Variants in EDEM1 observed in about 807,000 individuals in gnomAD.
EDEM1 encodes ER degradation enhancing alpha-mannosidase like protein 1, also known as ER degradation-enhancing alpha-mannosidase-like protein 1.
EDEM1 carries 67 observed loss-of-function variants against 74.4 expected under a neutral mutation model. That is an observed-to-expected ratio of 0.90 (90% confidence interval 0.74 to 1.10). EDEM1 has a LOEUF of 1.10. Ranked by LOEUF, EDEM1 falls within the 50% of genes least tolerant of loss-of-function variation. The pLI is 0.00. For synonymous variants in EDEM1, 382 were observed against 335.9 expected (o/e 1.14, Z -1.50); for missense variants, 926 against 851.6 (o/e 1.09, Z -1.09).
chr3:5,205,364 T>A (rs2055084544), intron 6 of EDEM1, 123 bp downstream of exon 6: 2 of 972,102 alleles, frequency 2.1e-6, no homozygotes, highest in African/African-American at 3.3e-5. Context: ...CCTTACCACC[T>A]CTCCTAGTTT....
At chr3:5,193,940 A>G (rs984186374) in intron 1 of EDEM1, among the ~76,000 whole-genome samples, 2 of 152,222 alleles carry the variant, frequency 1.3e-5, no homozygotes, top group African/African-American at 4.8e-5. Context: ...TAGATGGTGT[A>G]ACAGCATAAA....
chr3:5,198,990 C>T (rs990871830), intron 2 of EDEM1, among the ~76,000 whole-genome samples: 1 of 152,124 alleles, frequency 6.6e-6, no homozygotes, highest in African/African-American at 2.4e-5. Context: ...TTCTAGATCA[C>T]TTTTTAAAAA....
intron 1 of EDEM1, among the ~76,000 whole-genome samples, chr3:5,191,421 TG>T (rs1462747447): frequency 6.6e-6 from 1 of 151,482 alleles, no homozygotes; most frequent in Admixed American, 6.6e-5. Flanking sequence ...TCTGTAGAAG[TG>T]GGGTCTTACT....
Position 5,208,227 on chromosome 3 carries a change from A to C in EDEM1, c.1473A>C (p.Arg491Ser). The C allele has an allele frequency of 1.2e-6, 2 of 1,612,548 alleles. No individual in the cohort carries two copies. The highest frequency in any genetic ancestry group is 1.7e-6 in the Non-Finnish European group (2 of 1,179,722). ...QAPDVLFYPL[R>S]PELVESTYLL... ...CTGACGTTCTCTTCTACCCACTGAGACCAGAGTTAGTGGAATCCACATATC... is the reference window on the plus strand; with the variant it reads ...CTGACGTTCTCTTCTACCCACTGAGCCCAGAGTTAGTGGAATCCACATATC... The change falls in exon 8 of 12, where the codon AGA becomes AGC. Residue 491 changes from arginine (R) to serine (S), a missense_variant. Physicochemically the swap from Arg to Ser is moderately radical, Grantham distance 110 (BLOSUM62 -1). Coordinates refer to ENST00000256497, the MANE Select transcript of EDEM1 (RefSeq NM_014674.3).
At chr3:5,196,026 C>T (rs561685357) in intron 2 of EDEM1, among the ~76,000 whole-genome samples, 2 of 152,354 alleles carry the variant, frequency 1.3e-5, no homozygotes, top group East Asian at 3.9e-4. Flanking sequence ...ATTTTTACAA[C>T]CTCTTTGCTT....
At chr3:5,212,912 C>T (rs988834876) in intron 10 of EDEM1, among the ~76,000 whole-genome samples, 2 of 152,190 alleles carry the variant, frequency 1.3e-5, no homozygotes, top group Non-Finnish European at 1.5e-5. Flanking sequence ...CTTGGTCCCT[C>T]CCTGTCAGCA....
chr3:5,195,972 G>A (rs894957066), intron 2 of EDEM1, among the ~76,000 whole-genome samples: 2 of 152,236 alleles, frequency 1.3e-5, no homozygotes, highest in African/African-American at 4.8e-5. Context: ...CCAGGGGACT[G>A]TATTCCAGCA....
At position 5,218,469 on chromosome 3, in the gene EDEM1, G is replaced by C. The variant is rs1247529896; in HGVS notation, c.*2551G>C. The C allele has an allele frequency of 6.6e-6, 1 of 152,052 alleles. No homozygotes were observed. Among genetic ancestry groups the C allele is most frequent in the Non-Finnish European group, 1.5e-5 (1 of 68,044 alleles). The allele number at this position is 152,052 out of a possible 1,614,324, so 9.4% of individuals were successfully genotyped here. A position where few individuals can be genotyped will look rare whatever the true frequency, so the allele number is the denominator to read the frequency against. ...TACTGGGTAGAGAATGGCTGAGGAG[G>C]AGATTACCAGAGAAGTTGCTTTGCT... On this transcript the variant is annotated 3_prime_UTR_variant, in exon 12 of 12. Coordinates refer to ENST00000256497, the MANE Select transcript of EDEM1 (RefSeq NM_014674.3).
rs762894995 is a variant in EDEM1, at chr3:5,203,093, C to T, written c.986C>T (p.Ala329Val). The T allele has an allele frequency of 6.2e-7, 1 of 1,610,798 alleles. No homozygotes were observed. The highest frequency in any genetic ancestry group is 8.5e-7 in the Non-Finnish European group (1 of 1,178,670). ...LLGDSTFEWV[A>V]RRAVKALWNL... ...GGGGACTCCACATTTGAGTGGGTGG[C>T]CAGACGAGCAGTGAAAGCCCTTTGG... Residue 329 changes from alanine to valine, a missense_variant, in exon 5 of 12, where the codon GCC becomes GTC. Coordinates refer to ENST00000256497, the MANE Select transcript of EDEM1 (RefSeq NM_014674.3).
intron 9 of EDEM1, among the ~76,000 whole-genome samples, chr3:5,210,496 T>C (rs940171702): frequency 6.6e-5 from 10 of 152,186 alleles, no homozygotes; most frequent in African/African-American, 2.2e-4. Flanking sequence ...AGTTATATAA[T>C]AACATATACG....
In EDEM1 at chr3:5,188,038, G is replaced by A. The variant is rs908428880; in HGVS notation, c.233G>A (p.Gly78Glu). Reference protein sequence around the residue: ...GPSWLQPPGTGAAQSPRKAPR... With the variant: ...GPSWLQPPGTEAAQSPRKAPR... ...TCGTGGCTGCAGCCGCCGGGGACCG[G>A]GGCAGCGCAGAGCCCGCGCAAGGCT... The change falls in exon 1 of 12, where the codon GGG becomes GAG. Residue 78 changes from glycine to glutamate, a missense_variant. Gly to Glu is a moderately conservative substitution (Grantham distance 98). Coordinates refer to ENST00000256497, the MANE Select transcript of EDEM1 (RefSeq NM_014674.3). 3 of 1,444,896 alleles carry A rather than the reference G, an allele frequency of 2.1e-6. No homozygotes were observed. The highest frequency in any genetic ancestry group is 1.5e-5 in the South Asian group (1 of 68,730). 89.5% of individuals were successfully genotyped at this position (1,444,896 alleles called of 1,614,324 possible).
At chr3:5,201,072 T>TA (rs972191937) in intron 3 of EDEM1, among the ~76,000 whole-genome samples, 1 of 151,980 alleles carries the variant, frequency 6.6e-6, no homozygotes, top group African/African-American at 2.4e-5. Flanking sequence ...TCTGTTTTTT[T>TA]ATGAGTGTTT....
At chr3:5,213,920 G>T (rs996373975) in intron 11 of EDEM1, among the ~76,000 whole-genome samples, 6 of 152,188 alleles carry the variant, frequency 3.9e-5, no homozygotes, top group Non-Finnish European at 8.8e-5. Flanking sequence ...GCTGCCTGGG[G>T]CAGAAGCTGG....
Position 5,211,910 on chromosome 3 carries a change from C to T in EDEM1, c.1680+694C>T, listed in dbSNP as rs766270358. Among the ~76,000 whole-genome samples the T allele has an allele frequency of 1.0e-3, 154 of 152,172 alleles. 1 individual carries two copies. Among genetic ancestry groups the T allele is most frequent in the Non-Finnish European group, 1.7e-3 (118 of 68,030 alleles). ...TCTGCCTCGTGCATACAGCCACTCT[C>T]GTGCCCCCTGCCACTTTCCTCAGTA... On this transcript the variant is annotated intron_variant, in intron 10 of 11. Coordinates refer to ENST00000256497, the MANE Select transcript of EDEM1 (RefSeq NM_014674.3).
At chr3:5,196,157 G>T (rs184281014) in intron 2 of EDEM1, among the ~76,000 whole-genome samples, 32 of 152,278 alleles carry the variant, frequency 2.1e-4, no homozygotes, top group African/African-American at 7.5e-4. Flanking sequence ...AAAGCTGTCT[G>T]TTAGGAGATA....
chr3:5,209,535 G>C (rs544281497), intron 8 of EDEM1, among the ~76,000 whole-genome samples: 1 of 152,266 alleles, frequency 6.6e-6, no homozygotes, highest in East Asian at 1.9e-4. Context: ...GTTGTTTGTT[G>C]CTGCAATCTG....
intron 5 of EDEM1, among the ~76,000 whole-genome samples, chr3:5,203,791 G>A (rs2055061561): frequency 6.6e-6 from 1 of 152,104 alleles, no homozygotes; most frequent in South Asian, 2.1e-4. Flanking sequence ...GGAGTTCAGT[G>A]GTGTGATCTT....
chr3:5,191,998 A>G (rs995252906), intron 1 of EDEM1, among the ~76,000 whole-genome samples: 1 of 152,228 alleles, frequency 6.6e-6, no homozygotes, highest in African/African-American at 2.4e-5. Context: ...AATTAAGCCA[A>G]ACAAATATTG....
In EDEM1 at chr3:5,210,221, A is replaced by AG; in HGVS notation, c.1557dup (p.Ser520GlufsTer20). The AG allele has an allele frequency of 6.2e-7, 1 of 1,614,262 alleles. No individual in the cohort carries two copies. The highest frequency in any genetic ancestry group is 8.5e-7 in the Non-Finnish European group (1 of 1,180,034). On this transcript the variant is annotated frameshift_variant, in exon 9 of 12. Coordinates refer to ENST00000256497, the MANE Select transcript of EDEM1 (RefSeq NM_014674.3). LOFTEE classifies it high-confidence loss of function. ...CTCCATGTAGGAATGGATATTCTGC[A>AG]GAGTCTGGAAAAGTACACAAAAGTC...
Sources: gnomAD v4.1 joint callset for allele counts (sites outside exome capture counted in the v4.1 genomes callset) on GRCh38, gnomAD v4.1.1 for gene constraint, MANE v1.5 for transcripts, NCBI Gene and HGNC (gene_info 2026-07-23, HGNC 2026-07-21) for gene names.